Variants in SLC24A3 observed in about 807,000 individuals in gnomAD.
SLC24A3 encodes solute carrier family 24 member 3, also known as sodium/potassium/calcium exchanger 3.
In SLC24A3, 28 loss-of-function variants were observed where a neutral mutation model predicts 75.8. The observed-to-expected ratio is 0.37, with a 90% CI of 0.27 to 0.51. The LOEUF is 0.51. Ranked by LOEUF, SLC24A3 falls within the 20% of genes least tolerant of loss-of-function variation. SLC24A3 has a pLI of 0.94. For missense variants in SLC24A3, 663 were observed against 847.8 expected (o/e 0.78, Z 2.71); for synonymous variants, 372 against 334.1 (o/e 1.11, Z -1.24).
rs564103263 is a variant in SLC24A3, at chr20:19,636,496, T to G, written c.613-17566T>G. On this transcript the variant is annotated intron_variant, in intron 6 of 16. Coordinates refer to ENST00000328041, the MANE Select transcript of SLC24A3 (RefSeq NM_020689.4). ...AGAAAAAAGGGATGTCTTTCAACTT[T>G]CACAAGGTTCAATATTGCAGAGGTC... is the stretch of plus-strand genomic sequence containing the variant. 5.3e-5 allele frequency among the ~76,000 whole-genome samples: 8 copies of G among 152,344 alleles called. 1 individual carries two copies. The highest frequency in any genetic ancestry group is 1.7e-4 in the African/African-American group (7 of 41,584).
At chr20:19,603,953 C>G (rs2031562643) in intron 6 of SLC24A3, among the ~76,000 whole-genome samples, 1 of 152,110 alleles carries the variant, frequency 6.6e-6, no homozygotes, top group South Asian at 2.1e-4. Flanking sequence ...AAAGGAAGCT[C>G]AAGGCTCCCA....
chr20:19,321,608 G>A (rs2122276863), intron 2 of SLC24A3, among the ~76,000 whole-genome samples: 1 of 152,246 alleles, frequency 6.6e-6, no homozygotes, highest in East Asian at 1.9e-4. Flanking sequence ...ATTATCTTAT[G>A]TCTTAGGTCT....
intron 2 of SLC24A3, among the ~76,000 whole-genome samples, chr20:19,481,513 C>A (rs749271992): frequency 1.4e-4 from 22 of 152,176 alleles, no homozygotes; most frequent in Non-Finnish European, 4.4e-5. Context: ...AAGAATCTGG[C>A]AGAGATTCAG....
At chr20:19,400,125 A>T (rs1397199735) in intron 2 of SLC24A3, among the ~76,000 whole-genome samples, 2 of 152,054 alleles carry the variant, frequency 1.3e-5, no homozygotes, top group Admixed American at 6.5e-5. Flanking sequence ...GTTAGCTTTG[A>T]TTGATTGATT....
intron 6 of SLC24A3, among the ~76,000 whole-genome samples, chr20:19,633,555 A>T (rs1438302644): frequency 1.4e-5 from 2 of 146,788 alleles, no homozygotes; most frequent in Non-Finnish European, 3.0e-5. Flanking sequence ...AGGCTGAGGC[A>T]GGAGAATGGC....
chr20:19,272,038 C>T (rs774913200), intron 1 of SLC24A3, among the ~76,000 whole-genome samples: 1 of 152,266 alleles, frequency 6.6e-6, no homozygotes, highest in African/African-American at 2.4e-5. Context: ...CAGGTGGCCA[C>T]TCCCATGTGG....
intron 2 of SLC24A3, among the ~76,000 whole-genome samples, chr20:19,432,797 T>C (rs1248666587): frequency 6.6e-6 from 1 of 152,214 alleles, no homozygotes; most frequent in Admixed American, 6.5e-5. Context: ...TGCTGTAAAC[T>C]GTGAAAAGTA....
intron 2 of SLC24A3, among the ~76,000 whole-genome samples, chr20:19,331,913 A>C (rs183490810): frequency 8.7e-4 from 133 of 152,330 alleles, no homozygotes; most frequent in African/African-American, 3.1e-3. Context: ...CCATGGGAAA[A>C]GGAATTTGAT....
In SLC24A3 at chr20:19,665,053, A is replaced by T. The variant is rs142027944; in HGVS notation, c.688-811A>T. ...CCCACAAGGTGGGAAATGATTTTAG[A>T]TGGTATATAGACCAGGACTTCAGTA... On this transcript the variant is annotated intron_variant, in intron 7 of 16. Coordinates refer to ENST00000328041, the MANE Select transcript of SLC24A3 (RefSeq NM_020689.4). Among the ~76,000 whole-genome samples, 496 of 152,322 alleles carry T rather than the reference A, an allele frequency of 3.3e-3. 3 individuals are homozygous for T. The highest frequency in any genetic ancestry group is 0.011 in the African/African-American group (454 of 41,574).
intron 1 of SLC24A3, among the ~76,000 whole-genome samples, chr20:19,268,586 A>T (rs1983234284): frequency 6.6e-6 from 1 of 152,246 alleles, no homozygotes; most frequent in South Asian, 2.1e-4. Flanking sequence ...AAAGTTCATG[A>T]TAGATCTGAG....
In SLC24A3 at chr20:19,685,360, C is replaced by G; in HGVS notation, c.1323C>G (p.Pro441=). ...GACCGTACACACCATTCGACACCCC[C>G]TGTAAGAGGTTCTATGTCTGGGCTG... ...DEGPYTPFDT[P]SGKLETVKWA... is the part of the protein sequence containing the mutation. The change falls in exon 12 of 17, where the codon CCC becomes CCG. Residue 441 remains proline, a splice_region_variant and synonymous_variant. Transcript: ENST00000328041. 6.2e-7 allele frequency: 1 copy of G among 1,613,076 alleles called. No individual in the cohort carries two copies. Among genetic ancestry groups the G allele is most frequent in the Non-Finnish European group, 8.5e-7 (1 of 1,179,198 alleles).
chr20:19,477,534 G>A (rs1469118868), intron 2 of SLC24A3, among the ~76,000 whole-genome samples: 1 of 152,206 alleles, frequency 6.6e-6, no homozygotes, highest in Non-Finnish European at 1.5e-5. Context: ...CAGTGTAAGT[G>A]TGTGGAAGGA....
rs180843745 is a variant in SLC24A3 at position 19,298,305 on chromosome 20, A to T, written c.271+17218A>T. 1.3e-4 allele frequency among the ~76,000 whole-genome samples: 20 copies of T among 152,298 alleles called. No individual in the cohort carries two copies. The East Asian group carries it at 3.7e-3, about 28-fold the overall frequency. ...CCAACAAACGCTGTCCCAGCAGAAC[A>T]CTTCATTGGTGTGGATCCTCATTTG... is the stretch of plus-strand genomic sequence containing the variant. On this transcript the variant is annotated intron_variant, in intron 2 of 16. Transcript: ENST00000328041.
chr20:19,673,664 AT>A lies in SLC24A3; in HGVS notation c.767+15del. 1 of 1,611,438 alleles carries A rather than the reference AT, an allele frequency of 6.2e-7. No individual in the cohort carries two copies. Among genetic ancestry groups the A allele is most frequent in the Non-Finnish European group, 8.5e-7 (1 of 1,177,704 alleles). On this transcript the variant is annotated intron_variant, in intron 9 of 16. Transcript: ENST00000328041. ...ACATTGTCATCATGAAGTAAGTAAA[AT>A]TTTTCATTTCTTATCCAAAACTGTT...
At chr20:19,350,423 T>C (rs1985541403) in intron 2 of SLC24A3, among the ~76,000 whole-genome samples, 1 of 152,212 alleles carries the variant, frequency 6.6e-6, no homozygotes. Flanking sequence ...TTTTGTGCTA[T>C]TGCATTTAGG....
At chr20:19,433,066 G>T (rs1987132494) in intron 2 of SLC24A3, among the ~76,000 whole-genome samples, 3 of 152,146 alleles carry the variant, frequency 2.0e-5, no homozygotes, top group Admixed American at 2.0e-4. Flanking sequence ...TTAAGATATA[G>T]ATATTTTATC....
intron 3 of SLC24A3, among the ~76,000 whole-genome samples, chr20:19,521,760 G>A (rs1206773397): frequency 6.6e-6 from 1 of 152,146 alleles, no homozygotes; most frequent in African/African-American, 2.4e-5. Flanking sequence ...GGCCCAGATT[G>A]CTGTTGTTCA....
intron 13 of SLC24A3, among the ~76,000 whole-genome samples, chr20:19,695,237 T>C (rs1473629667): frequency 6.6e-6 from 1 of 152,150 alleles, no homozygotes; most frequent in Non-Finnish European, 1.5e-5. Flanking sequence ...GTTCCGGGTG[T>C]AGGTGTCTCT....
At chr20:19,440,938 G>A (rs1382236537) in intron 2 of SLC24A3, among the ~76,000 whole-genome samples, 5 of 152,132 alleles carry the variant, frequency 3.3e-5, no homozygotes, top group African/African-American at 1.2e-4. Context: ...TGACAGGGGA[G>A]TTTAGATGGA....
Sources: allele counts gnomAD v4.1 joint callset (sites outside exome capture counted in the v4.1 genomes callset), GRCh38; gene constraint gnomAD v4.1.1; transcripts MANE v1.5; gene names NCBI Gene and HGNC (gene_info 2026-07-23, HGNC 2026-07-21).